The following ADD2 variants were observed in gnomAD, a reference collection of about 807,000 sequenced individuals.
ADD2 encodes beta-adducin.
In ADD2, 23 loss-of-function variants were observed where a neutral mutation model predicts 83.0. The observed-to-expected ratio is 0.28, with a 90% CI of 0.20 to 0.39. The LOEUF (loss-of-function observed/expected upper bound fraction) is 0.39, where lower values mean the gene tolerates loss of function less well. Among genes scored for constraint, ADD2 ranks in the 10% least tolerant of loss-of-function variants. The pLI is 1.00. For synonymous variants in ADD2, 375 were observed against 375.4 expected, an observed-to-expected ratio of 1.00 and a Z score of 0.01; for missense variants, 758 against 944.9, an observed-to-expected ratio of 0.80 and a Z score of 2.59.
intron 1 of ADD2, among the ~76,000 whole-genome samples, chr2:70,742,846 A>C (rs1434339052): frequency 6.6e-6 from 1 of 152,104 alleles, no homozygotes; most frequent in Non-Finnish European, 1.5e-5. Context: ...CCCTGGCTAT[A>C]CTTACATACA....
chr2:70,663,847 G>T, intron 15 of ADD2, 112 bp from the exon 16 acceptor site: 1 of 1,177,790 alleles, frequency 8.5e-7, no homozygotes. Flanking sequence ...CCAGAGCGAG[G>T]GGAGGGCCAG....
intron 1 of ADD2, among the ~76,000 whole-genome samples, chr2:70,753,415 G>A (rs1332470066): frequency 1.3e-5 from 2 of 152,152 alleles, no homozygotes; most frequent in Non-Finnish European, 2.9e-5. Flanking sequence ...GGGAGAAATG[G>A]GAGGAGGGGG....
intron 1 of ADD2, among the ~76,000 whole-genome samples, chr2:70,718,647 G>C (rs1003917241): frequency 6.6e-6 from 1 of 152,168 alleles, no homozygotes; most frequent in African/African-American, 2.4e-5. Context: ...ACTCCAATAA[G>C]TGCCCAGTGC....
At position 70,676,314 on chromosome 2, in the gene ADD2, T is replaced by G; in HGVS notation, c.1593+482A>C. The G allele has an allele frequency of 3.0e-6, 3 of 1,010,014 alleles. No homozygotes were observed. The highest frequency in any genetic ancestry group is 3.5e-6 in the Non-Finnish European group (3 of 846,484). 62.6% of individuals were successfully genotyped at this position (1,010,014 alleles called of 1,614,324 possible). ...TGGGTAATATTGTCCCTTCCCATCC[T>G]GTAGGAGCATGGGTCCTGTCTATAT... On this transcript the variant is annotated intron_variant, in intron 13 of 15. Coordinates refer to ENST00000264436, the MANE Select transcript of ADD2 (RefSeq NM_001617.4). The surrounding 1 kb of genome is among the most constrained non-coding windows in gnomAD (Gnocchi z 4.8).
intron 1 of ADD2, among the ~76,000 whole-genome samples, chr2:70,731,536 T>G (rs901967143): frequency 6.6e-6 from 1 of 152,218 alleles, no homozygotes; most frequent in Non-Finnish European, 1.5e-5. Context: ...TCTGACTTTG[T>G]GCATCACCAT....
chr2:70,713,141 G>T lies in ADD2; in HGVS notation c.-110C>A. The T allele has an allele frequency of 4.1e-6, 4 of 985,454 alleles. No homozygotes were observed. The highest frequency in any genetic ancestry group is 4.8e-6 in the Non-Finnish European group (4 of 830,038). 61.0% of individuals were successfully genotyped at this position (985,454 alleles called of 1,614,324 possible). On this transcript the variant is annotated 5_prime_UTR_variant, in exon 2 of 16. Transcript: ENST00000264436. ...CTGCACCCCCTAGCTCCACTCTCAA[G>T]GGTGCCGGCCACATCTACACAACCT...
At chr2:70,699,454 T>C (rs529659907) in intron 4 of ADD2, among the ~76,000 whole-genome samples, 1 of 152,240 alleles carries the variant, frequency 6.6e-6, no homozygotes, top group Admixed American at 6.5e-5. Context: ...AGCCACAGAA[T>C]GTCAGATGGC....
At chr2:70,741,740 C>T (rs1300666265) in intron 1 of ADD2, among the ~76,000 whole-genome samples, 2 of 152,200 alleles carry the variant, frequency 1.3e-5, no homozygotes, top group Non-Finnish European at 2.9e-5. Context: ...ACAGGACCCA[C>T]ACACACACTG....
chr2:70,721,653 A>ATT lies in ADD2; in HGVS notation c.-153-8470_-153-8469insAA, dbSNP rs1553377402. On this transcript the variant is annotated intron_variant, in intron 1 of 15. Coordinates refer to ENST00000264436, the MANE Select transcript of ADD2 (RefSeq NM_001617.4). Reference sequence around the variant, plus strand: ...GAAAGCCACGTGTTTTCTGGAAATCAAGTGTGGTGCACACATAATTAATAG... The same window carrying ATT: ...GAAAGCCACGTGTTTTCTGGAAATCATTAGTGTGGTGCACACATAATTAATAG... Among the ~76,000 whole-genome samples the ATT allele has an allele frequency of 3.3e-5, 5 of 152,244 alleles. No individual in the cohort carries two copies. In the East Asian group the frequency reaches 9.6e-4, roughly 29 times the overall value.
chr2:70,733,380 G>A (rs1673376220), intron 1 of ADD2, among the ~76,000 whole-genome samples: 1 of 152,218 alleles, frequency 6.6e-6, no homozygotes, highest in African/African-American at 2.4e-5. Context: ...AGGCCTGGTG[G>A]TTAAAGCAAA....
chr2:70,730,508 A>G (rs1673228403), intron 1 of ADD2, among the ~76,000 whole-genome samples: 1 of 152,248 alleles, frequency 6.6e-6, no homozygotes, highest in Non-Finnish European at 1.5e-5. Flanking sequence ...CCTGAGAGGC[A>G]AGGCAAGCTA....
chr2:70,658,228 A>C lies in ADD2; in HGVS notation c.*5197T>G, dbSNP rs1467362213. 2 of 152,308 alleles carry C rather than the reference A, an allele frequency of 1.3e-5. No individual in the cohort carries two copies. Among genetic ancestry groups the C allele is most frequent in the Non-Finnish European group, 1.5e-5 (1 of 68,012 alleles). The allele number at this position is 152,308 out of a possible 1,614,324, so 9.4% of individuals were successfully genotyped here. On this transcript the variant is annotated 3_prime_UTR_variant, in exon 16 of 16. Coordinates refer to ENST00000264436, the MANE Select transcript of ADD2 (RefSeq NM_001617.4). ...AGGGACACCCCACTGAAGTCCCCAC[A>C]CTGCTTCCCGGTGAGCGTGGCTGCT...
chr2:70,754,899 T>G (rs1176233595), intron 1 of ADD2, among the ~76,000 whole-genome samples: 5 of 152,164 alleles, frequency 3.3e-5, no homozygotes, highest in African/African-American at 4.8e-5. Flanking sequence ...TTTAATTATC[T>G]ATCTCCAACT....
intron 1 of ADD2, among the ~76,000 whole-genome samples, chr2:70,721,185 T>C (rs984182017): frequency 6.6e-6 from 1 of 152,248 alleles, no homozygotes; most frequent in Non-Finnish European, 1.5e-5. Flanking sequence ...TTCTCACTGA[T>C]TCTGTTGTTG....
In ADD2 at chr2:70,751,193, C is replaced by T. The variant is rs72835752; in HGVS notation, c.-154+16693G>A. Among the ~76,000 whole-genome samples, 678 of 152,154 alleles carry T rather than the reference C, an allele frequency of 4.5e-3. 4 individuals carry two copies. The highest frequency in any genetic ancestry group is 7.7e-3 in the South Asian group (37 of 4,812). On this transcript the variant is annotated intron_variant, in intron 1 of 15. Transcript: ENST00000264436. ...GTTGGACTGGAAGATCTGTTTGATC[C>T]CTTCCACTTTGACACTCTGGAATTC...
At chr2:70,724,490 G>A (rs1355035751) in intron 1 of ADD2, among the ~76,000 whole-genome samples, 1 of 152,090 alleles carries the variant, frequency 6.6e-6, no homozygotes, top group African/African-American at 2.4e-5. Context: ...CCCTCACACT[G>A]CTCCCCGACA....
intron 2 of ADD2, among the ~76,000 whole-genome samples, chr2:70,712,031 G>C (rs1392004842): frequency 1.3e-5 from 2 of 152,186 alleles, no homozygotes; most frequent in Non-Finnish European, 2.9e-5. Flanking sequence ...TTGTAGGACA[G>C]CCAACTGATG....
At chr2:70,740,191 A>G (rs1308095487) in intron 1 of ADD2, among the ~76,000 whole-genome samples, 4 of 152,216 alleles carry the variant, frequency 2.6e-5, no homozygotes, top group African/African-American at 7.2e-5. Context: ...AGTAAACCCC[A>G]TAATGAAAGT....
chr2:70,676,061 T>C lies in ADD2; in HGVS notation c.1593+735A>G, dbSNP rs919582359. ...GGGCTGCAGTCTTGACCTGAAATCATTGCATCATCACAATTTGCCCTGCAG... is the reference window on the plus strand; with the variant it reads ...GGGCTGCAGTCTTGACCTGAAATCACTGCATCATCACAATTTGCCCTGCAG... On this transcript the variant is annotated intron_variant, in intron 13 of 15. Transcript: ENST00000264436. The surrounding 1 kb of genome is among the most constrained non-coding windows in gnomAD (Gnocchi z 4.8). 8 of 985,422 alleles carry C rather than the reference T, an allele frequency of 8.1e-6. No homozygotes were observed. The highest frequency in any genetic ancestry group is 9.6e-6 in the Non-Finnish European group (8 of 829,934). The allele number at this position is 985,422 out of a possible 1,614,324, so 61.0% of individuals were successfully genotyped here.
Sources: gnomAD v4.1 joint callset for allele counts (sites outside exome capture counted in the v4.1 genomes callset) on GRCh38, gnomAD v4.1.1 for gene constraint, Gnocchi (gnomAD v3.1) non-coding constraint, MANE v1.5 for transcripts, NCBI Gene and HGNC (gene_info 2026-07-23, HGNC 2026-07-21) for gene names.